The following PRMT7 variants were observed in gnomAD, a reference collection of about 807,000 sequenced individuals.
The protein encoded by PRMT7 is protein arginine methyltransferase 7.
In PRMT7, 75 loss-of-function variants were observed where a neutral mutation model predicts 85.4. That is an observed-to-expected ratio of 0.88 (90% CI 0.73 to 1.06). The LOEUF (loss-of-function observed/expected upper bound fraction) is 1.06. Ranked by LOEUF, PRMT7 falls within the 50% of genes least tolerant of loss-of-function variation. The pLI, the probability that PRMT7 is intolerant of heterozygous loss-of-function variation, is 0.00. For missense variants in PRMT7, 868 were observed against 915.2 expected (o/e 0.95, Z 0.67); for synonymous variants, 397 against 359.5 (o/e 1.10, Z -1.18).
chr16:68,355,720 C>A lies in PRMT7; in HGVS notation c.1651-3C>A. On this transcript the variant is annotated splice_region_variant and splice_polypyrimidine_tract_variant and intron_variant, in intron 16 of 18. Transcript: ENST00000441236. ...CAGCCCCCAGGCCCCCTTCTGTTCG[C>A]AGCGTGCCCTGGACTTCAGGGAGAG... 1 of 1,583,352 alleles carries A rather than the reference C, an allele frequency of 6.3e-7. No homozygotes were observed. Among genetic ancestry groups the A allele is most frequent in the Non-Finnish European group, 8.6e-7 (1 of 1,161,996 alleles).
At chr16:68,338,577 C>T (rs767664455) in intron 7 of PRMT7, among the ~76,000 whole-genome samples, 19 of 152,120 alleles carry the variant, frequency 1.2e-4, no homozygotes, top group Non-Finnish European at 2.5e-4. Flanking sequence ...GGAGGAAGCA[C>T]AGCCTGGGGA....
intron 3 of PRMT7, chr16:68,318,765 T>G (rs1419331851): frequency 1.3e-5 from 2 of 151,820 alleles, no homozygotes; most frequent in Non-Finnish European, 2.9e-5. Context: ...ACTTCTGACC[T>G]CAGGTGATCC....
downstream of PRMT7, chr16:68,360,357 A>C (rs1382984244): frequency 6.6e-6 from 1 of 152,100 alleles, no homozygotes; most frequent in Admixed American, 6.5e-5. Context: ...GTAAAAAAAA[A>C]AGTGGATACT....
At position 68,358,182 on chromosome 16, in the gene PRMT7, G is replaced by C. The variant is rs981708410; in HGVS notation, c.*958G>C. Reference sequence around the variant, plus strand: ...CAGGCCAGCCGAGCCGCCTGTATGAGCAGAGTTCCGGTGTCCTCGGATTCA... The same window carrying C: ...CAGGCCAGCCGAGCCGCCTGTATGACCAGAGTTCCGGTGTCCTCGGATTCA... On this transcript the variant is annotated 3_prime_UTR_variant, in exon 19 of 19. Transcript: ENST00000441236. 6.6e-6 allele frequency: 1 copy of C among 152,408 alleles called. No individual in the cohort carries two copies. The highest frequency in any genetic ancestry group is 1.5e-5 in the Non-Finnish European group (1 of 68,062). 9.4% of individuals were successfully genotyped at this position (152,408 alleles called of 1,614,324 possible). A position where few individuals can be genotyped will look rare whatever the true frequency, so the allele number is the denominator to read the frequency against.
intron 4 of PRMT7, chr16:68,321,785 G>A: frequency 4.1e-6 from 1 of 242,502 alleles, no homozygotes; most frequent in Non-Finnish European, 7.9e-6. Context: ...TTTGTGTGTG[G>A]TGAGAACATT....
At chr16:68,348,092 G>A (rs189965722) in intron 13 of PRMT7, among the ~76,000 whole-genome samples, 2 of 152,248 alleles carry the variant, frequency 1.3e-5, no homozygotes, top group Non-Finnish European at 2.9e-5. Context: ...CTGCAGGCTC[G>A]CACTGAGTCC....
intron 6 of PRMT7, among the ~76,000 whole-genome samples, chr16:68,332,648 T>C (rs1433347820): frequency 6.6e-6 from 1 of 152,202 alleles, no homozygotes; most frequent in African/African-American, 2.4e-5. Context: ...TGCAGCATTC[T>C]GAAGGCTTTT....
At chr16:68,344,167 G>T (rs2085962674) in intron 9 of PRMT7, among the ~76,000 whole-genome samples, 1 of 152,136 alleles carries the variant, frequency 6.6e-6, no homozygotes, top group African/African-American at 2.4e-5. Context: ...GGTGTCACTG[G>T]TATGTTACCC....
downstream of PRMT7, chr16:68,358,928 G>C (rs2089033781): frequency 6.6e-6 from 1 of 152,644 alleles, no homozygotes; most frequent in African/African-American, 2.4e-5. Flanking sequence ...TCCCGGTCTT[G>C]GTGCTGAGGG....
At chr16:68,346,323 A>C in intron 11 of PRMT7, 43 bp downstream of exon 11, 7 of 1,608,650 alleles carry the variant, frequency 4.4e-6, no homozygotes, top group Non-Finnish European at 6.0e-6. Flanking sequence ...AAAAGGGAGA[A>C]AGAAGTTTGT....
intron 15 of PRMT7, 72 bp downstream of exon 15, chr16:68,352,481 C>A (rs1333073038): frequency 6.7e-7 from 1 of 1,482,432 alleles, no homozygotes; most frequent in Non-Finnish European, 9.1e-7. Context: ...CTTGCAGGAA[C>A]CTTGGGTGCC....
chr16:68,360,365 ACT>A (rs1213142878), downstream of PRMT7: 3 of 149,904 alleles, frequency 2.0e-5, no homozygotes, highest in East Asian at 3.9e-4. Context: ...AAAAGTGGAT[ACT>A]CTCTTCTCGG....
chr16:68,349,627 C>T (rs944526139), intron 14 of PRMT7, among the ~76,000 whole-genome samples: 3 of 152,138 alleles, frequency 2.0e-5, no homozygotes, highest in Non-Finnish European at 4.4e-5. Flanking sequence ...GACATGGTGG[C>T]ACATGTCTGT....
Position 68,357,041 on chromosome 16 carries a change from C to T in PRMT7, c.1909-13C>T. 6.3e-7 allele frequency: 1 copy of T among 1,595,602 alleles called. No homozygotes were observed. The highest frequency in any genetic ancestry group is 8.5e-7 in the Non-Finnish European group (1 of 1,169,988). On this transcript the variant is annotated splice_polypyrimidine_tract_variant and intron_variant, in intron 18 of 18. Transcript: ENST00000441236. ...AGGGAGCCCTCACCATCTTCCTGCT[C>T]TTCTTCCTACAGGGGGGCTGCTGCT...
rs1288319716 is a variant in PRMT7, at chr16:68,355,898, G to A, written c.1811+15G>A. On this transcript the variant is annotated intron_variant, in intron 17 of 18. Transcript: ENST00000441236. ...GAGCTCAGAAGGTGGGTGCAGAGAG[G>A]GCTGGGGGGCAGGGAGGGGCTGCTG... 2.6e-6 allele frequency: 4 copies of A among 1,556,396 alleles called. No homozygotes were observed. The highest frequency in any genetic ancestry group is 1.9e-4 in the Middle Eastern group (1 of 5,396).
At chr16:68,341,926 A>G (rs1054744406) in intron 9 of PRMT7, among the ~76,000 whole-genome samples, 1 of 152,204 alleles carries the variant, frequency 6.6e-6, no homozygotes, top group Non-Finnish European at 1.5e-5. Flanking sequence ...TCATCCTCCT[A>G]ACCTGATGAT....
rs1485422133 is a variant in PRMT7 at position 68,358,106 on chromosome 16, TGA to T, written c.*887_*888del. 2.0e-5 allele frequency: 3 copies of T among 152,278 alleles called. No individual in the cohort carries two copies. Among genetic ancestry groups the T allele is most frequent in the Admixed American group, 6.5e-5 (1 of 15,284 alleles). 9.4% of individuals were successfully genotyped at this position (152,278 alleles called of 1,614,324 possible). ...CTCAGAGGTAACAGCAGACACCACG[TGA>T]GAGAACCCAGTGGCCTCTGGCTCGC... On this transcript the variant is annotated 3_prime_UTR_variant, in exon 19 of 19. Transcript: ENST00000441236.
intron 6 of PRMT7, among the ~76,000 whole-genome samples, chr16:68,332,239 T>C (rs568691246): frequency 6.6e-5 from 10 of 152,334 alleles, no homozygotes; most frequent in African/African-American, 2.2e-4. Context: ...TTCTTTGTTG[T>C]GGACCCTGTC....
rs183500975 is a variant in PRMT7, at chr16:68,350,120, G to A, written c.1413+1689G>A. Among the ~76,000 whole-genome samples the A allele has an allele frequency of 1.5e-3, 232 of 152,322 alleles. 4 individuals are homozygous for A. Among genetic ancestry groups the A allele is most frequent in the Middle Eastern group, 6.8e-3 (2 of 294 alleles). On this transcript the variant is annotated intron_variant, in intron 14 of 18. Coordinates refer to ENST00000441236, the MANE Select transcript of PRMT7 (RefSeq NM_019023.5). ...AATGTCTTTGAGATTCACCCATTTC[G>A]TTCTTTTGAAGGCTGTGTAGCATTC...
Sources: allele counts gnomAD v4.1 joint callset (sites outside exome capture counted in the v4.1 genomes callset), GRCh38; gene constraint gnomAD v4.1.1; transcripts MANE v1.5; gene names NCBI Gene and HGNC (gene_info 2026-07-23, HGNC 2026-07-21).